The following TEKTIP1 variants were observed in gnomAD, a reference collection of about 807,000 sequenced individuals.
TEKTIP1 encodes the protein tektin bundle-interacting protein 1.
chr19:3,540,477 C>T, the TEKTIP1 span, among the ~76,000 whole-genome samples: 9 of 150,540 alleles, frequency 6.0e-5, no homozygotes, highest in African/African-American at 1.2e-4. Context: ...AGGATGGTCT[C>T]GATCTCCTGA....
the TEKTIP1 span, chr19:3,543,967 C>T: frequency 6.5e-7 from 1 of 1,550,204 alleles, no homozygotes; most frequent in Middle Eastern, 1.7e-4. Context: ...TGCCCCTCCA[C>T]CTGCCAGCGG....
chr19:3,542,682 C>T, the TEKTIP1 span: 32 of 1,207,526 alleles, frequency 2.7e-5, no homozygotes, highest in African/African-American at 4.8e-4. Flanking sequence ...GGGGTTTTAC[C>T]ATGCTGGCCA....
chr19:3,542,655 G>C, the TEKTIP1 span: 1 of 1,121,356 alleles, frequency 8.9e-7, no homozygotes, highest in East Asian at 6.2e-5. Flanking sequence ...CTTAATTTTC[G>C]TATTTTTAGT....
chr19:3,540,465 C>T, the TEKTIP1 span, among the ~76,000 whole-genome samples: 21 of 148,346 alleles, frequency 1.4e-4, no homozygotes, highest in Admixed American at 8.1e-4. Context: ...ACCATGTTGG[C>T]CAGGATGGTC....
the TEKTIP1 span, chr19:3,543,774 T>A: frequency 6.7e-7 from 1 of 1,490,470 alleles, no homozygotes; most frequent in East Asian, 2.5e-5. Flanking sequence ...AGGAGCCCCT[T>A]GCTGGCCAAC....
chr19:3,539,914 A>AG, the TEKTIP1 span: 1 of 152,152 alleles, frequency 6.6e-6, no homozygotes, highest in East Asian at 1.9e-4. Flanking sequence ...GCCATGAAAA[A>AG]GAAGAGTGAA....
At chr19:3,541,636 A>T in the TEKTIP1 span, 2 of 984,554 alleles carry the variant, frequency 2.0e-6, no homozygotes, top group African/African-American at 3.5e-5. Flanking sequence ...CCCTATTTCT[A>T]TTTTTTAAAA....
At chr19:3,543,765 G>T in the TEKTIP1 span, 1 of 1,490,268 alleles carries the variant, frequency 6.7e-7, no homozygotes, top group East Asian at 2.5e-5. Flanking sequence ...GGGCGATCCA[G>T]GAGCCCCTTG....
At chr19:3,543,208 C>T in the TEKTIP1 span, 3 of 1,535,536 alleles carry the variant, frequency 2.0e-6, no homozygotes, top group South Asian at 1.2e-5. Flanking sequence ...GACATGGGCT[C>T]AGTCTCTGCC....
chr19:3,542,551 G>A, the TEKTIP1 span: 2 of 854,432 alleles, frequency 2.3e-6, no homozygotes, highest in Non-Finnish European at 1.4e-6. Flanking sequence ...TCAGCTTACT[G>A]CAAACTCCAC....
the TEKTIP1 span, chr19:3,540,121 T>C: frequency 1.4e-5 from 2 of 139,900 alleles, no homozygotes; most frequent in African/African-American, 5.3e-5. Flanking sequence ...TTTGAGACAG[T>C]CTCATACTGT....
the TEKTIP1 span, chr19:3,539,386 G>A: frequency 1.6e-6 from 1 of 638,080 alleles, no homozygotes; most frequent in Non-Finnish European, 2.8e-6. Context: ...AGGCTCATGT[G>A]TGTGACGTCC....
chr19:3,543,124 C>T, the TEKTIP1 span: 3 of 1,515,354 alleles, frequency 2.0e-6, no homozygotes, highest in Non-Finnish European at 2.6e-6. Flanking sequence ...GGGAGGGAGA[C>T]CCCACGCCGT....
the TEKTIP1 span, among the ~76,000 whole-genome samples, chr19:3,540,653 G>T: frequency 2.4e-4 from 36 of 151,584 alleles, no homozygotes; most frequent in East Asian, 3.4e-3. Context: ...GCCGAGGCAG[G>T]CGGATCACCT....
the TEKTIP1 span, chr19:3,543,132 C>A: frequency 1.3e-6 from 2 of 1,511,774 alleles, no homozygotes; most frequent in Non-Finnish European, 1.8e-6. Context: ...GACCCCACGC[C>A]GTGGGCCAGG....
the TEKTIP1 span, chr19:3,539,315 G>A: frequency 1.2e-6 from 1 of 869,312 alleles, no homozygotes; most frequent in South Asian, 1.7e-5. Context: ...CTCCCTCCCT[G>A]GGTGTCAGGT....
chr19:3,543,098 A>G, the TEKTIP1 span: 128 of 1,549,208 alleles, frequency 8.3e-5, no homozygotes, highest in Non-Finnish European at 1.1e-4. Flanking sequence ...GCTGAAGGAC[A>G]GACTCCAAGT....
At chr19:3,542,661 T>G in the TEKTIP1 span, 1 of 1,142,532 alleles carries the variant, frequency 8.8e-7, no homozygotes, top group Non-Finnish European at 1.1e-6. Context: ...TTTCGTATTT[T>G]TAGTAGAGAT....
At chr19:3,543,799 G>T in the TEKTIP1 span, 1 of 1,502,182 alleles carries the variant, frequency 6.7e-7, no homozygotes, top group Non-Finnish European at 8.9e-7. Context: ...AGGAGGTGGG[G>T]GCACATGGTG....
Sources: allele counts gnomAD v4.1 joint callset (sites outside exome capture counted in the v4.1 genomes callset), GRCh38; gene constraint gnomAD v4.1.1; transcripts MANE v1.5; gene names NCBI Gene and HGNC (gene_info 2026-07-23, HGNC 2026-07-21).